Variants in AGMO observed in about 807,000 individuals in gnomAD.
AGMO encodes glyceryl-ether monooxygenase.
A neutral mutation model predicts 60.2 loss-of-function variants in AGMO; 75 were observed. The observed-to-expected ratio is 1.25, with a 90% confidence interval of 1.03 to 1.51. The LOEUF (loss-of-function observed/expected upper bound fraction) is 1.51, where lower values mean the gene tolerates loss of function less well. Among genes scored for constraint, AGMO ranks in the 40% most tolerant of loss-of-function variants. AGMO has a pLI of 0.00. For synonymous variants in AGMO, 261 were observed against 177.1 expected (o/e 1.47, Z -3.76); for missense variants, 763 against 525.5 (o/e 1.45, Z -4.42).
chr7:15,475,762 T>C (rs546951190), intron 3 of AGMO, among the ~76,000 whole-genome samples: 43 of 152,184 alleles, frequency 2.8e-4, no homozygotes, highest in Non-Finnish European at 5.6e-4. Flanking sequence ...CTTATTTAGA[T>C]TTTTTTAAAA....
At position 15,433,739 on chromosome 7, in the gene AGMO, T is replaced by A. The variant is rs535732281; in HGVS notation, c.410-2631A>T. Among the ~76,000 whole-genome samples, 147 of 149,620 alleles carry A rather than the reference T, an allele frequency of 9.8e-4. 1 individual carries two copies. Among genetic ancestry groups the A allele is most frequent in the African/African-American group, 3.4e-3 (138 of 40,724 alleles). On this transcript the variant is annotated intron_variant, in intron 3 of 12. Coordinates refer to ENST00000342526, the MANE Select transcript of AGMO (RefSeq NM_001004320.2). ...TATACATTCTGTTCAATAACATTTTTCTTTTTCTATACGAAAATTATAGAT... is the reference window on the plus strand; with the variant it reads ...TATACATTCTGTTCAATAACATTTTACTTTTTCTATACGAAAATTATAGAT...
chr7:15,206,570 T>C (rs1781445043), intron 12 of AGMO, among the ~76,000 whole-genome samples: 1 of 152,096 alleles, frequency 6.6e-6, no homozygotes, highest in African/African-American at 2.4e-5. Flanking sequence ...TATAAATATA[T>C]ATCACAGTTC....
chr7:15,550,721 C>T (rs1346351464), intron 2 of AGMO, among the ~76,000 whole-genome samples: 6 of 142,508 alleles, frequency 4.2e-5, no homozygotes, highest in African/African-American at 1.3e-4. Context: ...GATTCACAGC[C>T]GAATTCTACC....
chr7:15,544,662 A>T (rs1026628053), intron 3 of AGMO, 110 bp downstream of exon 3: 2 of 951,042 alleles, frequency 2.1e-6, no homozygotes, highest in African/African-American at 3.4e-5. Flanking sequence ...TCCGTAAAAT[A>T]TACTATTTTA....
At chr7:15,363,956 G>A (rs933515578) in intron 12 of AGMO, among the ~76,000 whole-genome samples, 4 of 151,402 alleles carry the variant, frequency 2.6e-5, no homozygotes, top group Admixed American at 2.6e-4. Context: ...GTATATTTCT[G>A]AATTTTATTA....
intron 12 of AGMO, among the ~76,000 whole-genome samples, chr7:15,322,554 A>G (rs1189717244): frequency 3.3e-5 from 2 of 61,084 alleles, no homozygotes; most frequent in African/African-American, 8.3e-5. Context: ...ATAAATATAT[A>G]TAAATATATA....
the AGMO span, among the ~76,000 whole-genome samples, chr7:15,177,755 C>T: frequency 2.0e-5 from 3 of 152,088 alleles, no homozygotes; most frequent in Non-Finnish European, 4.4e-5. Flanking sequence ...TTCTAAACCT[C>T]CAGTTTTATA....
chr7:15,211,281 C>T (rs1426625860), intron 12 of AGMO, among the ~76,000 whole-genome samples: 1 of 151,726 alleles, frequency 6.6e-6, no homozygotes, highest in Non-Finnish European at 1.5e-5. Flanking sequence ...ACTATTCTTG[C>T]TTAAAAGACT....
At chr7:15,504,216 A>C (rs1315864373) in intron 3 of AGMO, among the ~76,000 whole-genome samples, 1 of 152,058 alleles carries the variant, frequency 6.6e-6, no homozygotes, top group African/African-American at 2.4e-5. Context: ...TTAATGCATA[A>C]ATTCTAATGT....
At chr7:15,537,400 C>A (rs781340423) in intron 3 of AGMO, among the ~76,000 whole-genome samples, 3 of 152,006 alleles carry the variant, frequency 2.0e-5, no homozygotes, top group Non-Finnish European at 4.4e-5. Flanking sequence ...AAATACATTA[C>A]GTTCTAAGAC....
intron 12 of AGMO, among the ~76,000 whole-genome samples, chr7:15,257,098 T>A (rs182410356): frequency 1.3e-5 from 2 of 152,198 alleles, no homozygotes; most frequent in African/African-American, 4.8e-5. Context: ...TGTTTTTGTA[T>A]GCTGCGGTTT....
intron 8 of AGMO, 136 bp from the exon 9 acceptor site, chr7:15,387,676 ATG>A (rs1783972813): frequency 2.8e-6 from 2 of 721,014 alleles, no homozygotes. Flanking sequence ...AGCAACAGAA[ATG>A]TGTAATTGCA....
the AGMO span, among the ~76,000 whole-genome samples, chr7:15,169,162 T>A: frequency 6.6e-6 from 1 of 152,194 alleles, no homozygotes; most frequent in African/African-American, 2.4e-5. Flanking sequence ...AGTCCCTGAT[T>A]GACTTTAGGT....
At chr7:15,546,472 G>C (rs1445725757) in intron 2 of AGMO, among the ~76,000 whole-genome samples, 1 of 152,200 alleles carries the variant, frequency 6.6e-6, no homozygotes, top group Non-Finnish European at 1.5e-5. Context: ...CAGTGGCCCT[G>C]AGCCTGCTTG....
chr7:15,138,803 G>A, the AGMO span, among the ~76,000 whole-genome samples: 1 of 151,494 alleles, frequency 6.6e-6, no homozygotes, highest in Non-Finnish European at 1.5e-5. Flanking sequence ...TAAAATAAAT[G>A]TAATGTAAGG....
At chr7:15,218,413 T>C (rs1480798688) in intron 12 of AGMO, among the ~76,000 whole-genome samples, 1 of 151,632 alleles carries the variant, frequency 6.6e-6, no homozygotes, top group Non-Finnish European at 1.5e-5. Context: ...TTAGTTCTTT[T>C]AATGATGACT....
intron 3 of AGMO, among the ~76,000 whole-genome samples, chr7:15,460,755 T>C (rs1234592712): frequency 6.6e-6 from 1 of 152,040 alleles, no homozygotes; most frequent in East Asian, 1.9e-4. Context: ...AGCAAACTGA[T>C]CAGAGAAGGT....
the AGMO span, among the ~76,000 whole-genome samples, chr7:15,121,339 TG>T: frequency 8.5e-5 from 13 of 152,278 alleles, no homozygotes; most frequent in East Asian, 1.7e-3. Context: ...ATATACCCAG[TG>T]ATGGGATTGC....
chr7:15,293,327 A>G (rs1784325470), intron 12 of AGMO, among the ~76,000 whole-genome samples: 2 of 152,122 alleles, frequency 1.3e-5, no homozygotes, highest in Non-Finnish European at 2.9e-5. Flanking sequence ...ACTAAAGGAG[A>G]GATCTAGAAT....
Sources: allele counts gnomAD v4.1 joint callset (sites outside exome capture counted in the v4.1 genomes callset), GRCh38; gene constraint gnomAD v4.1.1; transcripts MANE v1.5; gene names NCBI Gene and HGNC (gene_info 2026-07-23, HGNC 2026-07-21).